The following PTPRD variants were observed in gnomAD, a reference collection of about 807,000 sequenced individuals.
PTPRD encodes receptor-type tyrosine-protein phosphatase delta.
In PTPRD, 34 loss-of-function variants were observed where a neutral mutation model predicts 214.5. The ratio of observed to expected loss-of-function variants is 0.16; its 90% confidence interval spans 0.12 to 0.21. The LOEUF is 0.21. PTPRD is among the 10% of genes least tolerant of loss of function. PTPRD has a pLI of 1.00. For missense variants in PTPRD, 2,545 were observed against 2,398.7 expected (o/e 1.06, Z -1.27); for synonymous variants, 1,128 against 845.7 (o/e 1.33, Z -5.79).
chr9:9,522,563 C>A, intron 8 of PTPRD, among the ~76,000 whole-genome samples: 1 of 151,902 alleles, frequency 6.6e-6, no homozygotes, highest in Non-Finnish European at 1.5e-5. Context: ...CTTAGAAAAA[C>A]AAAAGAATCT....
At chr9:10,179,557 G>A (rs73396397) in intron 3 of PTPRD, among the ~76,000 whole-genome samples, 2 of 152,078 alleles carry the variant, frequency 1.3e-5, no homozygotes, top group African/African-American at 4.8e-5. Context: ...AGGAAAAGGG[G>A]TCAGACAGGG....
chr9:9,146,140 C>T (rs1992671), intron 10 of PTPRD, among the ~76,000 whole-genome samples: 41,623 of 152,112 alleles, frequency 0.27, 7,300 homozygotes, highest in Non-Finnish European at 0.39. Context: ...GATAATTTCT[C>T]ATGCTGAACA....
In PTPRD at chr9:9,490,819, C is replaced by T. The variant is rs149194122; in HGVS notation, c.-237+83913G>A. 3.1e-3 allele frequency among the ~76,000 whole-genome samples: 466 copies of T among 151,816 alleles called. 1 individual carries two copies. The highest frequency in any genetic ancestry group is 0.01 in the African/African-American group (427 of 41,466). On this transcript the variant is annotated intron_variant, in intron 8 of 45. Coordinates refer to ENST00000381196, the MANE Select transcript of PTPRD (RefSeq NM_002839.4). ...TGCAGGAAATGAGGGACAAGAAAAA[C>T]TATGACACTTATAGAAAAAAATAGC...
rs1202183299 is a variant in PTPRD, at chr9:8,317,039, A to AAAAT, written c.*831_*834dup. The AAAAT allele has an allele frequency of 8.6e-6, 2 of 231,656 alleles. No individual in the cohort carries two copies. The highest frequency in any genetic ancestry group is 1.7e-5 in the Non-Finnish European group (2 of 116,846). 14.4% of individuals were successfully genotyped at this position (231,656 alleles called of 1,614,324 possible). ...TCCCTGTTGATTCCAAAAACAAAAC[A>AAAAT]AAATAATAATTATCTTTGATTATTT... On this transcript the variant is annotated 3_prime_UTR_variant, in exon 46 of 46. Transcript: ENST00000381196.
intron 4 of PTPRD, among the ~76,000 whole-genome samples, chr9:9,949,734 C>T (rs146272019): frequency 7.9e-5 from 12 of 152,170 alleles, no homozygotes; most frequent in South Asian, 2.1e-4. Flanking sequence ...TCATTCTTGA[C>T]GAATGGGGAG....
intron 28 of PTPRD, 106 bp from the exon 29 acceptor site, chr9:8,485,430 T>C: frequency 1.3e-6 from 1 of 756,408 alleles, no homozygotes; most frequent in South Asian, 1.8e-5. Context: ...TCTACTTTGA[T>C]CAGAGAGAGA....
At chr9:9,878,265 C>T (rs1387680418) in intron 5 of PTPRD, among the ~76,000 whole-genome samples, 2 of 152,150 alleles carry the variant, frequency 1.3e-5, no homozygotes, top group East Asian at 3.9e-4. Flanking sequence ...ATGTCATGTA[C>T]TAGTTATTAC....
At chr9:10,053,945 G>C (rs2097578376) in intron 3 of PTPRD, among the ~76,000 whole-genome samples, 1 of 152,134 alleles carries the variant, frequency 6.6e-6, no homozygotes, top group African/African-American at 2.4e-5. Flanking sequence ...TTTTAGTAAA[G>C]ACGAGGTTTC....
intron 4 of PTPRD, among the ~76,000 whole-genome samples, chr9:9,970,829 A>G (rs1255845763): frequency 6.6e-6 from 1 of 152,158 alleles, no homozygotes; most frequent in African/African-American, 2.4e-5. Flanking sequence ...GCTTAGAGAA[A>G]AATAAACCTG....
At chr9:8,477,996 G>A (rs766609411) in intron 30 of PTPRD, among the ~76,000 whole-genome samples, 10 of 152,172 alleles carry the variant, frequency 6.6e-5, no homozygotes, top group Admixed American at 2.0e-4. Flanking sequence ...CACCATTCCT[G>A]TGAGGATTAC....
chr9:10,098,305 G>A (rs898567995), intron 3 of PTPRD, among the ~76,000 whole-genome samples: 2 of 141,374 alleles, frequency 1.4e-5, no homozygotes, highest in Non-Finnish European at 3.1e-5. Context: ...AGAACACATG[G>A]ACACAGGAAG....
intron 10 of PTPRD, among the ~76,000 whole-genome samples, chr9:9,076,965 G>T (rs2099752160): frequency 6.6e-6 from 1 of 151,852 alleles, no homozygotes; most frequent in South Asian, 2.1e-4. Flanking sequence ...GGTAGAATTT[G>T]CTGTTGCCTG....
intron 7 of PTPRD, among the ~76,000 whole-genome samples, chr9:9,610,396 A>G (rs2094454443): frequency 6.6e-6 from 1 of 152,248 alleles, no homozygotes; most frequent in African/African-American, 2.4e-5. Flanking sequence ...CATTTGCACT[A>G]GCAAAGCAAT....
At chr9:9,604,188 A>T (rs1208849983) in intron 7 of PTPRD, among the ~76,000 whole-genome samples, 1 of 152,106 alleles carries the variant, frequency 6.6e-6, no homozygotes, top group Non-Finnish European at 1.5e-5. Context: ...GTCTAAATGC[A>T]TCTGGGCAAT....
chr9:9,458,812 T>C (rs11496503), intron 8 of PTPRD, among the ~76,000 whole-genome samples: 24,069 of 151,958 alleles, frequency 0.16, 2,065 homozygotes, highest in Middle Eastern at 0.29. Context: ...TGGTGGTGTA[T>C]GCCTGCAGTC....
chr9:8,510,437 C>A (rs990883375), intron 21 of PTPRD, among the ~76,000 whole-genome samples: 2 of 152,188 alleles, frequency 1.3e-5, no homozygotes, highest in Non-Finnish European at 2.9e-5. Flanking sequence ...GAAGAGGGAC[C>A]GCAGGCCATG....
intron 30 of PTPRD, among the ~76,000 whole-genome samples, chr9:8,482,785 G>A (rs1374146708): frequency 1.3e-5 from 2 of 152,082 alleles, no homozygotes; most frequent in Admixed American, 6.5e-5. Flanking sequence ...AGGCGCTCTG[G>A]GATCCAGCCG....
At position 8,484,397 on chromosome 9, in the gene PTPRD, T is replaced by TAAA. The variant is rs61602377; in HGVS notation, c.3154-22_3154-20dup. 2.1e-6 allele frequency: 3 copies of TAAA among 1,461,716 alleles called. No homozygotes were observed. Among genetic ancestry groups the TAAA allele is most frequent in the Admixed American group, 2.1e-5 (1 of 47,420 alleles). The allele number at this position is 1,461,716 out of a possible 1,614,324, so 90.5% of individuals were successfully genotyped here. ...AAAGAATCTAAAGAGATAAAACCAATAAAAAAAAAATCTGGTTATCAGAGA... is the reference window on the plus strand; with the variant it reads ...AAAGAATCTAAAGAGATAAAACCAATAAAAAAAAAAAAATCTGGTTATCAGAGA... On this transcript the variant is annotated intron_variant, in intron 29 of 45. Coordinates refer to ENST00000381196, the MANE Select transcript of PTPRD (RefSeq NM_002839.4).
intron 9 of PTPRD, among the ~76,000 whole-genome samples, chr9:9,304,080 A>G (rs2135037480): frequency 6.6e-6 from 1 of 152,258 alleles, no homozygotes; most frequent in South Asian, 2.1e-4. Context: ...AATTGAAGCA[A>G]TTAATTCATT....
Sources: allele counts gnomAD v4.1 joint callset (sites outside exome capture counted in the v4.1 genomes callset), GRCh38; gene constraint gnomAD v4.1.1; transcripts MANE v1.5; gene names NCBI Gene and HGNC (gene_info 2026-07-23, HGNC 2026-07-21).